WIPI1: variants seen among roughly 807,000 people sequenced by gnomAD.
The protein encoded by WIPI1 is WD repeat domain phosphoinositide-interacting protein 1.
WIPI1 carries 45 observed loss-of-function variants against 55.3 expected under a neutral mutation model. That is an observed-to-expected ratio of 0.81 (90% CI 0.64 to 1.04). The LOEUF (loss-of-function observed/expected upper bound fraction) is 1.04, where lower values mean the gene tolerates loss of function less well. Among genes scored for constraint, WIPI1 ranks in the 50% least tolerant of loss-of-function variants. The pLI is 0.00. For missense variants in WIPI1, 445 were observed against 559.0 expected (o/e 0.80, Z 2.06); for synonymous variants, 195 against 217.6 (o/e 0.90, Z 0.92).
intron 10 of WIPI1, among the ~76,000 whole-genome samples, chr17:68,427,803 TG>T (rs1267384151): frequency 6.6e-6 from 1 of 152,116 alleles, no homozygotes; most frequent in Non-Finnish European, 1.5e-5. Context: ...CAGCCATCGG[TG>T]GGGGGCGGTG....
At chr17:68,449,136 T>C (rs2084397659) in intron 3 of WIPI1, among the ~76,000 whole-genome samples, 1 of 152,232 alleles carries the variant, frequency 6.6e-6, no homozygotes, top group Admixed American at 6.5e-5. Context: ...GAAGAAAACA[T>C]TGTCCTCAAT....
chr17:68,437,948 T>TAAAAAAAAAAAA (rs199649033), intron 4 of WIPI1, among the ~76,000 whole-genome samples: 20 of 78,794 alleles, frequency 2.5e-4, no homozygotes, highest in South Asian at 5.6e-4. Flanking sequence ...ACATCTCTCT[T>TAAAAAAAAAAAA]AAAAAAAAAA....
At chr17:68,448,154 CT>C (rs1334769331) in intron 3 of WIPI1, among the ~76,000 whole-genome samples, 4 of 152,124 alleles carry the variant, frequency 2.6e-5, no homozygotes, top group African/African-American at 9.7e-5. Context: ...CCCCTTGGGC[CT>C]TTATCATTTC....
chr17:68,428,596 G>GGAGACCAT, intron 10 of WIPI1: 2 of 461,540 alleles, frequency 4.3e-6, no homozygotes, highest in South Asian at 4.4e-5. Flanking sequence ...AGGCTGAGGG[G>GGAGACCAT]GAGACCATCT....
At chr17:68,437,066 C>G (rs2083845041) in intron 4 of WIPI1, among the ~76,000 whole-genome samples, 1 of 143,738 alleles carries the variant, frequency 7.0e-6, no homozygotes, top group Non-Finnish European at 1.5e-5. Context: ...CATTTTACCC[C>G]AGGACTCTGA....
intron 1 of WIPI1, among the ~76,000 whole-genome samples, chr17:68,454,522 A>T (rs2148002504): frequency 6.6e-6 from 1 of 152,318 alleles, no homozygotes; most frequent in East Asian, 1.9e-4. Flanking sequence ...GCAGCCCTCC[A>T]ACCTGCTAAG....
At chr17:68,446,066 G>A (rs1375001026) in intron 3 of WIPI1, among the ~76,000 whole-genome samples, 1 of 152,196 alleles carries the variant, frequency 6.6e-6, no homozygotes, top group African/African-American at 2.4e-5. Flanking sequence ...AAAAGAGGCA[G>A]GCTCTGCTCC....
intron 12 of WIPI1, among the ~76,000 whole-genome samples, chr17:68,425,049 C>T (rs2083067640): frequency 6.6e-6 from 1 of 152,208 alleles, no homozygotes; most frequent in Non-Finnish European, 1.5e-5. Context: ...ATCTTGTCTT[C>T]AGTTCCAGGT....
At chr17:68,446,269 C>T (rs566739544) in intron 3 of WIPI1, among the ~76,000 whole-genome samples, 2 of 152,174 alleles carry the variant, frequency 1.3e-5, no homozygotes, top group South Asian at 2.1e-4. Context: ...TAGCCTCAAC[C>T]TCTGGGGCTC....
chr17:68,428,859 C>A lies in WIPI1; in HGVS notation c.1043G>T (p.Gly348Val). ...GGTTTTGATTAAGACACACTCTCCT[C>A]CATCCTGAGGATCCAAATTGTACAT... is the stretch of plus-strand genomic sequence containing the variant. ...LYMYNLDPQD[G>V]GECVLIKTHS... Residue 348 changes from glycine to valine, a missense_variant, in exon 10 of 13, where the codon GGA (glycine) becomes GTA (valine). Gly to Val is a moderately radical substitution (Grantham distance 109, BLOSUM62 -3). Coordinates refer to ENST00000262139, the MANE Select transcript of WIPI1 (RefSeq NM_017983.7). 3 of 1,614,114 alleles carry A rather than the reference C, an allele frequency of 1.9e-6. No individual in the cohort carries two copies. Among genetic ancestry groups the A allele is most frequent in the South Asian group, 2.2e-5 (2 of 91,070 alleles).
intron 4 of WIPI1, among the ~76,000 whole-genome samples, chr17:68,439,725 A>G (rs1404010713): frequency 6.6e-6 from 1 of 152,206 alleles, no homozygotes; most frequent in Non-Finnish European, 1.5e-5. Context: ...TTCAAGACTG[A>G]GGTCTGCTAT....
In WIPI1 at chr17:68,436,378, T is replaced by C; in HGVS notation, c.528+4A>G. The C allele has an allele frequency of 6.2e-7, 1 of 1,613,550 alleles. No individual in the cohort carries two copies. The highest frequency in any genetic ancestry group is 8.5e-7 in the Non-Finnish European group (1 of 1,179,558). ...TTGGCTCAGCCAGGTCACCGTCAACTTACCAGGGAGTTTCCATCATAAAGC... is the reference window on the plus strand; with the variant it reads ...TTGGCTCAGCCAGGTCACCGTCAACCTACCAGGGAGTTTCCATCATAAAGC... On this transcript the variant is annotated splice_donor_region_variant and intron_variant, in intron 5 of 12. Coordinates refer to ENST00000262139, the MANE Select transcript of WIPI1 (RefSeq NM_017983.7).
At chr17:68,454,907 G>C (rs1332282130) in intron 1 of WIPI1, among the ~76,000 whole-genome samples, 1 of 144,068 alleles carries the variant, frequency 6.9e-6, no homozygotes, top group Non-Finnish European at 1.6e-5. Flanking sequence ...TTTATGTGAT[G>C]TTTTACGTGA....
intron 2 of WIPI1, 22 bp downstream of exon 2, chr17:68,452,888 G>C: frequency 6.2e-7 from 1 of 1,609,172 alleles, no homozygotes; most frequent in Non-Finnish European, 8.5e-7. Context: ...AGATCCCTGA[G>C]GTCTCTCTCA....
chr17:68,436,557 A>C, intron 4 of WIPI1, 78 bp from the exon 5 acceptor site: 2 of 1,373,820 alleles, frequency 1.5e-6, no homozygotes, highest in Non-Finnish European at 2.1e-6. Context: ...ATCTGAAAAC[A>C]GTACAGCTAC....
At chr17:68,455,440 G>A (rs1310567619) in intron 1 of WIPI1, among the ~76,000 whole-genome samples, 1 of 151,470 alleles carries the variant, frequency 6.6e-6, no homozygotes, top group African/African-American at 2.4e-5. Context: ...GGACTGGTAA[G>A]GGTTTGCTGT....
chr17:68,453,016 G>A, intron 1 of WIPI1, 24 bp from the exon 2 acceptor site: 1 of 1,586,784 alleles, frequency 6.3e-7, no homozygotes, highest in Non-Finnish European at 8.7e-7. Context: ...TGACAGCATG[G>A]GAATAACGAC....
At chr17:68,426,226 G>A (rs751757687) in intron 11 of WIPI1, 51 bp from the exon 12 acceptor site, 11 of 1,246,688 alleles carry the variant, frequency 8.8e-6, no homozygotes, top group Non-Finnish European at 1.2e-5. Flanking sequence ...CTGCTTTTAT[G>A]CCATGACCTG....
At chr17:68,426,964 T>TA (rs1433957988) in intron 11 of WIPI1, among the ~76,000 whole-genome samples, 171 bp downstream of exon 11, 2 of 151,260 alleles carry the variant, frequency 1.3e-5, no homozygotes, top group Non-Finnish European at 2.9e-5. Context: ...TGTGAGAAAA[T>TA]AAAAAATTCA....
Sources: allele counts gnomAD v4.1 joint callset (sites outside exome capture counted in the v4.1 genomes callset), GRCh38; gene constraint gnomAD v4.1.1; transcripts MANE v1.5; gene names NCBI Gene and HGNC (gene_info 2026-07-23, HGNC 2026-07-21).